Variants in CD101 observed in about 807,000 individuals in gnomAD.
CD101 encodes the protein CD101 molecule.
In CD101, 76 loss-of-function variants were observed where a neutral mutation model predicts 98.2. The observed-to-expected ratio is 0.77, with a 90% CI of 0.64 to 0.94. The LOEUF is 0.94. Ranked by LOEUF, CD101 falls within the 40% of genes least tolerant of loss-of-function variation. The probability of loss-of-function intolerance (pLI) is 0.00; values close to 1 mark genes in which losing one functional copy is unlikely to be tolerated. For synonymous variants in CD101, 471 were observed against 472.7 expected (o/e 1.00, Z 0.05); for missense variants, 1,145 against 1,218.8 (o/e 0.94, Z 0.90).
In CD101 at chr1:117,024,494, A is replaced by AAAAT. The variant is rs55950136; in HGVS notation, c.2429-986_2429-983dup. Among the ~76,000 whole-genome samples the AAAAT allele has an allele frequency of 9.8e-3, 1,474 of 150,384 alleles. 13 individuals carry two copies. The highest frequency in any genetic ancestry group is 0.026 in the African/African-American group (1,085 of 41,026). On this transcript the variant is annotated intron_variant, in intron 7 of 9. Coordinates refer to ENST00000682167, the MANE Select transcript of CD101 (RefSeq NM_001256106.3). ...TCCGTCTCAAAAAATAAATAAAATA[A>AAAAT]AAATAAATAAATAAATAAATAAATA...
At position 117,033,852 on chromosome 1, in the gene CD101, C is replaced by T. The variant is rs753549714; in HGVS notation, c.2825-8C>T. On this transcript the variant is annotated splice_polypyrimidine_tract_variant and splice_region_variant and intron_variant, in intron 8 of 9. Coordinates refer to ENST00000682167, the MANE Select transcript of CD101 (RefSeq NM_001256106.3). This position sits in a 1 kb window ranked among gnomAD's most constrained non-coding sequence, Gnocchi z 4.8. ...TGAATTACTCTCTTGTTTCTCCCTT[C>T]GTTGCAGAGCCCACGCTTCCTTCCA... The T allele has an allele frequency of 7.4e-6, 12 of 1,613,900 alleles. No homozygotes were observed. Among genetic ancestry groups the T allele is most frequent in the African/African-American group, 4.0e-5 (3 of 74,912 alleles).
chr1:117,025,803 G>A lies in CD101; in HGVS notation c.2723G>A (p.Trp908Ter). 4 of 1,614,182 alleles carry A rather than the reference G, an allele frequency of 2.5e-6. No homozygotes were observed. Among genetic ancestry groups the A allele is most frequent in the Non-Finnish European group, 3.4e-6 (4 of 1,180,038 alleles). The change falls in exon 8 of 10, where the codon TGG becomes TAG. Residue 908 changes from tryptophan to a stop codon, truncating the protein, a stop_gained. Transcript: ENST00000682167. LOFTEE classifies it high-confidence loss of function. Reference protein sequence around the residue: ...QVEMEDAGMYWCRVAEWQLHG... With the variant: ...QVEMEDAGMY ...GAGATGGAGGATGCAGGAATGTACTGGTGTAGGGTGGCAGAGTGGCAGCTC... is the reference window on the plus strand; with the variant it reads ...GAGATGGAGGATGCAGGAATGTACTAGTGTAGGGTGGCAGAGTGGCAGCTC...
chr1:117,034,202 C>T (rs928398202), intron 9 of CD101, 68 bp downstream of exon 9: 43 of 1,432,830 alleles, frequency 3.0e-5, no homozygotes, highest in South Asian at 1.6e-4. Flanking sequence ...ACTATGTCTG[C>T]GGCCTTGGGC....
intron 8 of CD101, among the ~76,000 whole-genome samples, chr1:117,029,193 A>G (rs1557778763): frequency 1.4e-5 from 1 of 69,260 alleles, no homozygotes; most frequent in African/African-American, 7.3e-5. Flanking sequence ...GAAAGAAAGA[A>G]AGAAAGAAAG....
chr1:117,035,456 C>A (rs1340471230), intron 9 of CD101, among the ~76,000 whole-genome samples: 2 of 152,114 alleles, frequency 1.3e-5, no homozygotes, highest in East Asian at 3.8e-4. Flanking sequence ...ATTTAAAATA[C>A]TCCAAATCTT....
At position 117,021,839 on chromosome 1, in the gene CD101, C is replaced by CAA. The variant is rs772170791; in HGVS notation, c.2285_2286insAA (p.Leu763SerfsTer5). 12 of 1,614,042 alleles carry CAA rather than the reference C, an allele frequency of 7.4e-6. No individual in the cohort carries two copies. In the East Asian group the frequency reaches 2.7e-4, roughly 36 times the overall value. On this transcript the variant is annotated frameshift_variant, in exon 7 of 10. Coordinates refer to ENST00000682167, the MANE Select transcript of CD101 (RefSeq NM_001256106.3). LOFTEE classifies it high-confidence loss of function. This position sits in a 1 kb window ranked among gnomAD's most constrained non-coding sequence, Gnocchi z 4.7. ...TGAGAAGGTTTCCCAAGACTTATTTCAGCTGCACATTCTGAATGTGGAAGA... is the reference window on the plus strand; with the variant it reads ...TGAGAAGGTTTCCCAAGACTTATTTCAAAGCTGCACATTCTGAATGTGGAAGA...
intron 4 of CD101, among the ~76,000 whole-genome samples, chr1:117,015,601 T>C (rs1200469690): frequency 6.6e-6 from 1 of 152,244 alleles, no homozygotes; most frequent in African/African-American, 2.4e-5. Flanking sequence ...GAAGAACAAT[T>C]TGCAAATTCA....
intron 6 of CD101, among the ~76,000 whole-genome samples, chr1:117,020,322 T>C (rs1653502541): frequency 6.6e-6 from 1 of 152,100 alleles, no homozygotes; most frequent in Non-Finnish European, 1.5e-5. Flanking sequence ...GGCGGGCAGA[T>C]CACCTGAAGT....
rs561691876 is a variant in CD101 at position 117,004,573 on chromosome 1, T to C, written c.43+2713T>C. Among the ~76,000 whole-genome samples, 10 of 152,154 alleles carry C rather than the reference T, an allele frequency of 6.6e-5. No homozygotes were observed. Among genetic ancestry groups the C allele is most frequent in the Non-Finnish European group, 1.5e-4 (10 of 68,018 alleles). ...ATCAGCCAACAAGAATATGAGCTAC[T>C]ATTCAAAAGTAGCTAACCCTCTACC... On this transcript the variant is annotated intron_variant, in intron 1 of 9. Coordinates refer to ENST00000682167, the MANE Select transcript of CD101 (RefSeq NM_001256106.3). The surrounding 1 kb of genome is among the most constrained non-coding windows in gnomAD (Gnocchi z 4.1).
chr1:117,014,977 C>T (rs1018527593), intron 4 of CD101, among the ~76,000 whole-genome samples: 1 of 152,232 alleles, frequency 6.6e-6, no homozygotes, highest in African/African-American at 2.4e-5. Context: ...TCTCAGCCTT[C>T]TCTGGAACAT....
chr1:117,031,550 G>C (rs2101165944), intron 8 of CD101, among the ~76,000 whole-genome samples: 1 of 152,346 alleles, frequency 6.6e-6, no homozygotes, highest in South Asian at 2.1e-4. Context: ...AGATGGCCAA[G>C]CCTGGGGTCC....
chr1:117,001,915 G>A, intron 1 of CD101, 55 bp downstream of exon 1: 1 of 1,518,384 alleles, frequency 6.6e-7, no homozygotes, highest in Non-Finnish European at 9.1e-7. Flanking sequence ...TCAACTCAGG[G>A]TGCTGAGTGA....
In CD101 at chr1:117,033,887, C is replaced by T; in HGVS notation, c.2852C>T (p.Ser951Phe). The change falls in exon 9 of 10, where the codon TCC becomes TTC. Residue 951 changes from serine to phenylalanine, a missense_variant. Transcript: ENST00000682167. The surrounding 1 kb of genome is among the most constrained non-coding windows in gnomAD (Gnocchi z 4.8). ...CCCACGCTTCCTTCCAGGATCTGCT[C>T]CTCGGCCCCTTTACTCTATTTCCTG... ...SEPTLPSRIC[S>F]SAPLLYFLFI... 1 of 1,614,176 alleles carries T rather than the reference C, an allele frequency of 6.2e-7. No individual in the cohort carries two copies.
At chr1:117,002,834 G>GTGATA (rs745823726) in intron 1 of CD101, among the ~76,000 whole-genome samples, 12 of 152,180 alleles carry the variant, frequency 7.9e-5, no homozygotes, top group Non-Finnish European at 1.5e-4. Flanking sequence ...TAGTTGTAAT[G>GTGATA]TGATATGAAG....
intron 6 of CD101, among the ~76,000 whole-genome samples, chr1:117,020,913 C>T (rs573849816): frequency 1.3e-5 from 2 of 152,302 alleles, no homozygotes; most frequent in East Asian, 1.9e-4. Flanking sequence ...GATTTGGGAA[C>T]AAGGATTGTC....
At position 117,004,298 on chromosome 1, in the gene CD101, T is replaced by C. The variant is rs1373179593; in HGVS notation, c.43+2438T>C. ...AAAGAGAAAGAAGCTGCTTGTTATGTTGGCTATTCCTGAGGTAGGTTTTGT... is the reference window on the plus strand; with the variant it reads ...AAAGAGAAAGAAGCTGCTTGTTATGCTGGCTATTCCTGAGGTAGGTTTTGT... On this transcript the variant is annotated intron_variant, in intron 1 of 9. Transcript: ENST00000682167. The surrounding 1 kb of genome is among the most constrained non-coding windows in gnomAD (Gnocchi z 4.1). Among the ~76,000 whole-genome samples, 1 of 152,214 alleles carries C rather than the reference T, an allele frequency of 6.6e-6. No individual in the cohort carries two copies. The highest frequency in any genetic ancestry group is 1.9e-4 in the East Asian group (1 of 5,200).
rs1276784993 is a variant in CD101, at chr1:117,021,172, A to G, written c.2018-401A>G. ...AATAGGGCCACTTTCTCCCAATCTG[A>G]TACATGAAATATGACAGAAGAGATG... On this transcript the variant is annotated intron_variant, in intron 6 of 9. Transcript: ENST00000682167. This position sits in a 1 kb window ranked among gnomAD's most constrained non-coding sequence, Gnocchi z 4.7. Among the ~76,000 whole-genome samples, 1 of 152,232 alleles carries G rather than the reference A, an allele frequency of 6.6e-6. No individual in the cohort carries two copies. The highest frequency in any genetic ancestry group is 1.5e-5 in the Non-Finnish European group (1 of 68,032).
intron 4 of CD101, among the ~76,000 whole-genome samples, chr1:117,016,366 G>A (rs548170045): frequency 3.9e-5 from 6 of 151,968 alleles, no homozygotes; most frequent in Admixed American, 3.9e-4. Context: ...GGAAAGATAA[G>A]AAAGAGGAAG....
In CD101 at chr1:117,013,498, G is replaced by A. The variant is rs1653008181; in HGVS notation, c.934G>A (p.Asp312Asn). ...LVCLVVSSGR[D>N]PQLQGIWFFN... ...TTGCCTGGTTGTAAGCAGTGGCCGTGACCCACAGCTTCAAGGCATTTGGTT... is the reference window on the plus strand; with the variant it reads ...TTGCCTGGTTGTAAGCAGTGGCCGTAACCCACAGCTTCAAGGCATTTGGTT... Residue 312 changes from aspartate to asparagine, a missense_variant, in exon 4 of 10, where the codon GAC (aspartate) becomes AAC (asparagine). By Grantham distance (23) the Asp-to-Asn change is conservative (BLOSUM62 1). Transcript: ENST00000682167. 6.8e-6 allele frequency: 11 copies of A among 1,614,174 alleles called. No homozygotes were observed. Among genetic ancestry groups the A allele is most frequent in the Non-Finnish European group, 9.3e-6 (11 of 1,180,030 alleles).
Sources: allele counts gnomAD v4.1 joint callset (sites outside exome capture counted in the v4.1 genomes callset), GRCh38; gene constraint gnomAD v4.1.1; non-coding constraint Gnocchi (gnomAD v3.1); transcripts MANE v1.5; gene names NCBI Gene and HGNC (gene_info 2026-07-23, HGNC 2026-07-21).